The following SCMH1 variants were observed in gnomAD, a reference collection of about 807,000 sequenced individuals.
SCMH1 encodes the protein polycomb protein SCMH1.
A neutral mutation model predicts 70.8 loss-of-function variants in SCMH1; 37 were observed. That is an observed-to-expected ratio of 0.52 (90% CI 0.40 to 0.69). The LOEUF (loss-of-function observed/expected upper bound fraction) is 0.69. SCMH1 is among the 30% of genes least tolerant of loss of function. The pLI is 0.00. For missense variants in SCMH1, 607 were observed against 827.3 expected, an observed-to-expected ratio of 0.73 and a Z score of 3.27; for synonymous variants, 292 against 307.4, an observed-to-expected ratio of 0.95 and a Z score of 0.52.
At chr1:41,176,691 C>T (rs527350039) in intron 2 of SCMH1, among the ~76,000 whole-genome samples, 54 of 152,216 alleles carry the variant, frequency 3.5e-4, no homozygotes, top group African/African-American at 1.2e-3. Flanking sequence ...AAGGTGGCAG[C>T]GAGGCTGGGG....
At chr1:41,230,651 C>G (rs1458519460) in intron 1 of SCMH1, among the ~76,000 whole-genome samples, 1 of 149,762 alleles carries the variant, frequency 6.7e-6, no homozygotes, top group African/African-American at 2.5e-5. Flanking sequence ...AAGCAAGACC[C>G]TATGTCTTAA....
intron 1 of SCMH1, among the ~76,000 whole-genome samples, chr1:41,214,113 C>T (rs1657615303): frequency 6.6e-6 from 1 of 152,132 alleles, no homozygotes; most frequent in African/African-American, 2.4e-5. Context: ...TGCACACATA[C>T]ATGCACACAC....
intron 13 of SCMH1, among the ~76,000 whole-genome samples, chr1:41,031,446 A>G (rs1490006809): frequency 6.6e-6 from 1 of 152,180 alleles, no homozygotes; most frequent in Admixed American, 6.5e-5. Flanking sequence ...CTAAAAAGTC[A>G]AAGTACACTT....
At chr1:41,158,430 C>G (rs1407530833) in intron 4 of SCMH1, among the ~76,000 whole-genome samples, 1 of 152,046 alleles carries the variant, frequency 6.6e-6, no homozygotes, top group African/African-American at 2.4e-5. Context: ...AAAGAAAGCT[C>G]TAGGCTTCTA....
chr1:41,142,958 AAG>A lies in SCMH1; in HGVS notation c.330_331del (p.Phe111LeufsTer5). The A allele has an allele frequency of 6.2e-7, 1 of 1,614,082 alleles. No homozygotes were observed. Among genetic ancestry groups the A allele is most frequent in the Non-Finnish European group, 8.5e-7 (1 of 1,180,008 alleles). ...TTCAGCTGAGTCAACCAGCCGCCAG[AAG>A]TCATTTTTGTTGTCGCTCCCATCAA... On this transcript the variant is annotated frameshift_variant, in exon 6 of 15. Transcript: ENST00000337495. LOFTEE classifies it high-confidence loss of function.
chr1:41,050,502 G>A (rs549012663), intron 10 of SCMH1, among the ~76,000 whole-genome samples: 1 of 152,246 alleles, frequency 6.6e-6, no homozygotes, highest in African/African-American at 2.4e-5. Flanking sequence ...TAATTCTAAG[G>A]AGAACCAACA....
At chr1:41,129,104 C>A (rs1453184989) in intron 6 of SCMH1, among the ~76,000 whole-genome samples, 1 of 152,098 alleles carries the variant, frequency 6.6e-6, no homozygotes, top group Non-Finnish European at 1.5e-5. Flanking sequence ...ATGTCCTTGT[C>A]TATTAATTCT....
chr1:41,107,251 A>G (rs1030497248), intron 8 of SCMH1, among the ~76,000 whole-genome samples: 8 of 151,714 alleles, frequency 5.3e-5, no homozygotes, highest in African/African-American at 1.9e-4. Context: ...AGTCCCCTCA[A>G]TCTAGGTTGG....
chr1:41,189,316 A>AT (rs1263085074), intron 1 of SCMH1, among the ~76,000 whole-genome samples: 2 of 151,990 alleles, frequency 1.3e-5, no homozygotes, highest in Admixed American at 1.3e-4. Context: ...AGCCTGGCTA[A>AT]TTTTTTGTAT....
chr1:41,136,773 CTTTTTTTTTTTTT>C (rs67410901), intron 6 of SCMH1, among the ~76,000 whole-genome samples: 3 of 108,454 alleles, frequency 2.8e-5, no homozygotes, highest in Non-Finnish European at 5.6e-5. Context: ...AAGGACAGTA[CTTTTTTTTTTTTT>C]TTTTTTTTTG....
intron 8 of SCMH1, among the ~76,000 whole-genome samples, chr1:41,100,279 C>T (rs150180107): frequency 3.6e-4 from 55 of 152,228 alleles, no homozygotes; most frequent in Admixed American, 1.6e-3. Context: ...TTCCACTTAG[C>T]CTGGGCAACA....
In SCMH1 at chr1:41,183,889, T is replaced by G. The variant is rs536586203; in HGVS notation, c.13+2232A>C. Among the ~76,000 whole-genome samples, 5 of 152,320 alleles carry G rather than the reference T, an allele frequency of 3.3e-5. No individual in the cohort carries two copies. In the East Asian group the frequency reaches 9.6e-4, roughly 29 times the overall value. Reference sequence around the variant, plus strand: ...ATTTATATTTAGTTTTAGAATGTATTATTTTTTCTACTACAGATTTACCAG... The same window carrying G: ...ATTTATATTTAGTTTTAGAATGTATGATTTTTTCTACTACAGATTTACCAG... On this transcript the variant is annotated intron_variant, in intron 2 of 14. Transcript: ENST00000337495.
chr1:41,174,616 A>G (rs748875850), intron 2 of SCMH1, among the ~76,000 whole-genome samples: 3 of 152,210 alleles, frequency 2.0e-5, no homozygotes, highest in Admixed American at 6.5e-5. Context: ...AATTGAATAG[A>G]TAAGTTATAA....
At chr1:41,163,531 TA>T (rs1646211754) in intron 2 of SCMH1, among the ~76,000 whole-genome samples, 1 of 152,150 alleles carries the variant, frequency 6.6e-6, no homozygotes, top group African/African-American at 2.4e-5. Context: ...ATAATTAAGT[TA>T]AAATGAGGTC....
At chr1:41,115,739 C>T (rs1028378666) in intron 7 of SCMH1, among the ~76,000 whole-genome samples, 4 of 152,138 alleles carry the variant, frequency 2.6e-5, no homozygotes, top group Non-Finnish European at 4.4e-5. Flanking sequence ...TAGTTTATGC[C>T]AGCTTTATTT....
chr1:41,212,651 A>G (rs977862347), intron 1 of SCMH1, among the ~76,000 whole-genome samples: 8 of 152,150 alleles, frequency 5.3e-5, no homozygotes, highest in Non-Finnish European at 1.0e-4. Context: ...TTTTCCTGAA[A>G]AACAAACCAA....
intron 8 of SCMH1, among the ~76,000 whole-genome samples, chr1:41,087,484 G>A (rs1190858234): frequency 6.6e-6 from 1 of 151,276 alleles, no homozygotes; most frequent in Admixed American, 6.6e-5. Flanking sequence ...ATAATCACAC[G>A]GGTAAATGAG....
chr1:41,096,693 G>A (rs1250475986), intron 8 of SCMH1, among the ~76,000 whole-genome samples: 1 of 152,206 alleles, frequency 6.6e-6, no homozygotes, highest in East Asian at 1.9e-4. Context: ...TGCTCCTGTA[G>A]AGGATACAGT....
chr1:41,192,308 G>C (rs1443402432), intron 1 of SCMH1, among the ~76,000 whole-genome samples: 1 of 152,014 alleles, frequency 6.6e-6, no homozygotes, highest in African/African-American at 2.4e-5. Flanking sequence ...AATATCTCCA[G>C]ATTTCCCCTT....
Sources: allele counts gnomAD v4.1 joint callset (sites outside exome capture counted in the v4.1 genomes callset), GRCh38; gene constraint gnomAD v4.1.1; transcripts MANE v1.5; gene names NCBI Gene and HGNC (gene_info 2026-07-23, HGNC 2026-07-21).